The following ZNF236 variants were observed in gnomAD, a reference collection of about 807,000 sequenced individuals.
ZNF236 encodes the protein regulated by glucose.
ZNF236 carries 50 observed loss-of-function variants against 191.2 expected under a neutral mutation model. That is an observed-to-expected ratio of 0.26 (90% CI 0.21 to 0.33). The LOEUF (loss-of-function observed/expected upper bound fraction) is 0.33. Ranked by LOEUF, ZNF236 falls within the 10% of genes least tolerant of loss-of-function variation. The pLI is 1.00. For missense variants in ZNF236, 1,754 were observed against 2,374.5 expected (o/e 0.74, Z 5.43); for synonymous variants, 907 against 928.8 (o/e 0.98, Z 0.43).
chr18:76,892,175 T>TTTG (rs1555692891), intron 9 of ZNF236, among the ~76,000 whole-genome samples: 1 of 145,124 alleles, frequency 6.9e-6, no homozygotes, highest in Non-Finnish European at 1.5e-5. Context: ...TGGGTTTTTT[T>TTTG]TTTTTTTTTT....
chr18:76,899,569 G>A lies in ZNF236; in HGVS notation c.1894+347G>A, dbSNP rs186567469. Among the ~76,000 whole-genome samples, 48 of 152,292 alleles carry A rather than the reference G, an allele frequency of 3.2e-4. No individual in the cohort carries two copies. In the Middle Eastern group the frequency reaches 0.017, roughly 54 times the overall value. ...TTTTTATGTGAAACACACAGTGCAC[G>A]TTGTTGTTTTCATCTTTAGGTTCTT... On this transcript the variant is annotated intron_variant, in intron 11 of 30. Coordinates refer to ENST00000320610, the MANE Select transcript of ZNF236 (RefSeq NM_001306089.2).
chr18:76,919,203 T>G lies in ZNF236; in HGVS notation c.3275-573T>G, dbSNP rs1464706233. 6.6e-6 allele frequency among the ~76,000 whole-genome samples: 1 copy of G among 152,148 alleles called. No individual in the cohort carries two copies. Among genetic ancestry groups the G allele is most frequent in the Non-Finnish European group, 1.5e-5 (1 of 68,026 alleles). On this transcript the variant is annotated intron_variant, in intron 19 of 30. Coordinates refer to ENST00000320610, the MANE Select transcript of ZNF236 (RefSeq NM_001306089.2). The surrounding 1 kb of genome is among the most constrained non-coding windows in gnomAD (Gnocchi z 5.3). ...GCTTACTCCTGAATTTTCAGGGAGG[T>G]GTAGAAGCAGGTCTTTAATCTGAGC...
In ZNF236 at chr18:76,923,081, A is replaced by G. The variant is rs375411228; in HGVS notation, c.3568A>G (p.Ile1190Val). Residue 1190 changes from isoleucine to valine, a missense_variant, in exon 21 of 31, where the codon ATC becomes GTC. Around this residue, in one of 5 missense-constraint regions of ZNF236, gnomAD observed 45 missense variants for 137.4 expected, o/e 0.33. Coordinates refer to ENST00000320610, the MANE Select transcript of ZNF236 (RefSeq NM_001306089.2). ...ATGCTTTTTGGATAGGCATGTTCGA[A>G]TCCATACTGGAGAAAAGCCATACAA... Reference protein sequence around the residue: ...KPSDLVRHVRIHTGEKPYKCD... With the variant: ...KPSDLVRHVRVHTGEKPYKCD... 6.2e-7 allele frequency: 1 copy of G among 1,613,186 alleles called. No homozygotes were observed. Among genetic ancestry groups the G allele is most frequent in the Non-Finnish European group, 8.5e-7 (1 of 1,179,328 alleles).
Position 76,969,035 on chromosome 18 carries a change from C to T in ZNF236, c.*696C>T, listed in dbSNP as rs1968854073. The T allele has an allele frequency of 2.1e-6, 2 of 939,158 alleles. No homozygotes were observed. The highest frequency in any genetic ancestry group is 3.6e-5 in the African/African-American group (2 of 56,242). The allele number at this position is 939,158 out of a possible 1,614,324, so 58.2% of individuals were successfully genotyped here. A position where few individuals can be genotyped will look rare whatever the true frequency, so the allele number is the denominator to read the frequency against. On this transcript the variant is annotated 3_prime_UTR_variant, in exon 31 of 31. Coordinates refer to ENST00000320610, the MANE Select transcript of ZNF236 (RefSeq NM_001306089.2). ...ATAAGGATTCAGCTGTCCACACGGG[C>T]TGGCGACACACTTACCGCATCAATC...
chr18:76,862,166 G>T (rs1472068280), intron 3 of ZNF236, among the ~76,000 whole-genome samples: 1 of 152,060 alleles, frequency 6.6e-6, no homozygotes, highest in Non-Finnish European at 1.5e-5. Flanking sequence ...CCCGGCCTGG[G>T]TTTCTTTTTT....
At chr18:76,881,628 G>A (rs937823) in intron 9 of ZNF236, 116 bp downstream of exon 9, 332,620 of 877,148 alleles carry the variant, frequency 0.38, 63,873 homozygotes, top group East Asian at 0.53. Context: ...TGAATGTTTT[G>A]TAGCTAGCTG....
At chr18:76,953,811 C>T (rs982593794) in intron 27 of ZNF236, among the ~76,000 whole-genome samples, 1 of 152,176 alleles carries the variant, frequency 6.6e-6, no homozygotes, top group Non-Finnish European at 1.5e-5. Flanking sequence ...GGCCGCTGGA[C>T]GCAGAGGATG....
chr18:76,903,344 G>A (rs1026851812), intron 11 of ZNF236, among the ~76,000 whole-genome samples: 1 of 152,202 alleles, frequency 6.6e-6, no homozygotes, highest in Non-Finnish European at 1.5e-5. Flanking sequence ...TCAGAGGTCC[G>A]GGGCTCCCCA....
At chr18:76,936,447 G>T in intron 25 of ZNF236, 1 of 455,780 alleles carries the variant, frequency 2.2e-6, no homozygotes, top group East Asian at 6.9e-5. Context: ...TAAAAGAAAA[G>T]CCCTTTCTTC....
At chr18:76,865,709 G>A (rs867988831) in intron 3 of ZNF236, among the ~76,000 whole-genome samples, 3 of 152,160 alleles carry the variant, frequency 2.0e-5, no homozygotes, top group Non-Finnish European at 4.4e-5. Flanking sequence ...TTGGAAATAG[G>A]ACTAAAATTG....
At chr18:76,829,367 G>A (rs1192253781) in intron 1 of ZNF236, among the ~76,000 whole-genome samples, 1 of 147,594 alleles carries the variant, frequency 6.8e-6, no homozygotes, top group Non-Finnish European at 1.5e-5. Context: ...TCGCTCTGTC[G>A]CCCAGGCTGG....
At chr18:76,894,960 T>C (rs2122703121) in intron 9 of ZNF236, 53 bp from the exon 10 acceptor site, 3 of 1,589,462 alleles carry the variant, frequency 1.9e-6, no homozygotes, top group Non-Finnish European at 2.6e-6. Context: ...GTCCTGGACC[T>C]GACCCTAGGC....
intron 27 of ZNF236, among the ~76,000 whole-genome samples, chr18:76,949,399 A>G (rs1217721960): frequency 6.6e-6 from 1 of 152,226 alleles, no homozygotes; most frequent in Non-Finnish European, 1.5e-5. Context: ...GAAATGAGAG[A>G]AACCAAATAT....
chr18:76,873,793 C>CCTGCCCTCCTCTCCTGT (rs1349384528), intron 5 of ZNF236, among the ~76,000 whole-genome samples: 2 of 150,858 alleles, frequency 1.3e-5, no homozygotes, highest in Non-Finnish European at 3.0e-5. Context: ...CTCCTGCCTG[C>CCTGCCCTCCTCTCCTGT]CTGCCCTCCT....
intron 26 of ZNF236, among the ~76,000 whole-genome samples, chr18:76,943,736 C>T (rs1244931743): frequency 6.6e-6 from 1 of 152,208 alleles, no homozygotes. Flanking sequence ...AAGTTTAACA[C>T]TGAGAGTCAT....
chr18:76,951,831 G>A (rs9957894), intron 27 of ZNF236, among the ~76,000 whole-genome samples: 36,054 of 152,026 alleles, frequency 0.24, 4,915 homozygotes, highest in East Asian at 0.32. Context: ...GTGACTCTTC[G>A]TTTCACTTGA....
Position 76,908,371 on chromosome 18 carries a change from T to C in ZNF236, c.2349T>C (p.Asp783=). The part of the protein sequence containing the change: ...LQQHQQAASI[D]DSTVDQQSMQ... ...AGCATCAGCAGGCAGCCTCGATAGA[T>C]GACAGCACTGTAGACCAGCAGAGCA... is the stretch of plus-strand genomic sequence containing the variant. The change falls in exon 14 of 31, where the codon GAT becomes GAC. Residue 783 remains aspartate, a synonymous_variant. Transcript: ENST00000320610. 2 of 1,614,210 alleles carry C rather than the reference T, an allele frequency of 1.2e-6. No individual in the cohort carries two copies. The highest frequency in any genetic ancestry group is 2.2e-5 in the South Asian group (2 of 91,086).
intron 27 of ZNF236, among the ~76,000 whole-genome samples, chr18:76,953,772 C>T (rs1378621452): frequency 6.6e-6 from 1 of 152,188 alleles, no homozygotes; most frequent in Non-Finnish European, 1.5e-5. Context: ...TGTTTCAGTT[C>T]AGCAAACATT....
At chr18:76,854,904 A>G (rs1453921735) in intron 3 of ZNF236, among the ~76,000 whole-genome samples, 2 of 152,148 alleles carry the variant, frequency 1.3e-5, no homozygotes, top group East Asian at 3.9e-4. Context: ...CTATTCAAAA[A>G]TGGCTATAGT....
Sources: gnomAD v4.1 joint callset for allele counts (sites outside exome capture counted in the v4.1 genomes callset) on GRCh38, gnomAD v4.1.1 for gene constraint, gnomAD v4.1.1 regional missense constraint, Gnocchi (gnomAD v3.1) non-coding constraint, MANE v1.5 for transcripts, NCBI Gene and HGNC (gene_info 2026-07-23, HGNC 2026-07-21) for gene names.